PLIN3: variants seen among roughly 807,000 people sequenced by gnomAD.
The protein encoded by PLIN3 is perilipin 3, also known as perilipin-3.
PLIN3 carries 30 observed loss-of-function variants against 35.9 expected under a neutral mutation model. That is an observed-to-expected ratio of 0.84 (90% CI 0.62 to 1.13). PLIN3 has a LOEUF of 1.13. PLIN3 is among the 50% of genes most tolerant of loss of function. The pLI, the probability that PLIN3 is intolerant of heterozygous loss-of-function variation, is 0.00. For missense variants in PLIN3, 603 were observed against 596.9 expected (o/e 1.01, Z -0.11); for synonymous variants, 261 against 262.5 (o/e 0.99, Z 0.06).
intron 1 of PLIN3, among the ~76,000 whole-genome samples, chr19:4,866,418 A>G (rs1010808363): frequency 2.0e-5 from 3 of 152,138 alleles, no homozygotes; most frequent in African/African-American, 4.8e-5. Flanking sequence ...TGAAATGTGT[A>G]TAAGTGTTTC....
chr19:4,856,549 ACT>A (rs1568378931), intron 4 of PLIN3, among the ~76,000 whole-genome samples: 3 of 151,046 alleles, frequency 2.0e-5, no homozygotes, highest in African/African-American at 4.9e-5. Context: ...CAAGAGCAAC[ACT>A]CTGTCTCAAA....
At chr19:4,848,194 G>A (rs1218700855) in intron 5 of PLIN3, among the ~76,000 whole-genome samples, 2 of 152,076 alleles carry the variant, frequency 1.3e-5, no homozygotes, top group Admixed American at 6.6e-5. Flanking sequence ...ATGTTGGCCA[G>A]GCTGGTCTCG....
intron 4 of PLIN3, among the ~76,000 whole-genome samples, chr19:4,857,636 C>T (rs992655910): frequency 2.6e-5 from 4 of 151,932 alleles, no homozygotes; most frequent in Non-Finnish European, 5.9e-5. Context: ...TGTTCTGGGC[C>T]TTCAGGTGTT....
intron 4 of PLIN3, 85 bp from the exon 5 acceptor site, chr19:4,852,386 G>C (rs747855536): frequency 6.7e-7 from 1 of 1,490,978 alleles, no homozygotes; most frequent in Non-Finnish European, 9.0e-7. Flanking sequence ...CAGGGAGACC[G>C]AGGCGGGGAG....
chr19:4,841,520 G>C (rs139352248), intron 7 of PLIN3, among the ~76,000 whole-genome samples: 1 of 151,672 alleles, frequency 6.6e-6, no homozygotes, highest in Non-Finnish European at 1.5e-5. Flanking sequence ...GATAGGGATA[G>C]TTGCACAATG....
At position 4,847,722 on chromosome 19, in the gene PLIN3, G is replaced by A. The variant is rs1251506042; in HGVS notation, c.803C>T (p.Ala268Val). The change falls in exon 6 of 8, where the codon GCT becomes GTT. Residue 268 changes from alanine (A) to valine (V), a missense_variant. Transcript: ENST00000221957. ...TAGGACCTGCGACAGCTGCAGCAGA[G>A]CCTCCTGTGCCCTCTGCTTGGTGGC... ...LRATKQRAQE[A>V]LLQLSQVLSL... 6.2e-7 allele frequency: 1 copy of A among 1,609,130 alleles called. No individual in the cohort carries two copies. Among genetic ancestry groups the A allele is most frequent in the Non-Finnish European group, 8.5e-7 (1 of 1,178,268 alleles).
chr19:4,842,966 A>T (rs1046443893), intron 7 of PLIN3, among the ~76,000 whole-genome samples: 1 of 152,288 alleles, frequency 6.6e-6, no homozygotes, highest in East Asian at 1.9e-4. Flanking sequence ...CACGCCTGTA[A>T]TACCAGCACT....
At position 4,852,224 on chromosome 19, in the gene PLIN3, C is replaced by T. The variant is rs35640392; in HGVS notation, c.426G>A (p.Thr142=). The change falls in exon 5 of 8, where the codon ACG becomes ACA. Residue 142 remains threonine, a synonymous_variant. Coordinates refer to ENST00000221957, the MANE Select transcript of PLIN3 (RefSeq NM_005817.5). ...AQEMVSSAKD[T]VATQLSEAVD... is the part of the protein sequence containing the mutation. Reference sequence around the variant, plus strand: ...CCGCCTCCGACAATTGGGTGGCCACCGTGTCCTTGGCGCTAGACACCATCT... The same window carrying T: ...CCGCCTCCGACAATTGGGTGGCCACTGTGTCCTTGGCGCTAGACACCATCT... The T allele has an allele frequency of 6.3e-5, 101 of 1,611,102 alleles. No individual in the cohort carries two copies. Among genetic ancestry groups the T allele is most frequent in the African/African-American group, 9.3e-5 (7 of 74,920 alleles).
intron 5 of PLIN3, 46 bp downstream of exon 5, chr19:4,851,970 G>T: frequency 6.3e-7 from 1 of 1,578,614 alleles, no homozygotes; most frequent in Non-Finnish European, 8.6e-7. Context: ...CTTCCGGTCA[G>T]GGGGCCTGGG....
At chr19:4,840,663 A>G (rs1287652858) in intron 7 of PLIN3, among the ~76,000 whole-genome samples, 3 of 152,196 alleles carry the variant, frequency 2.0e-5, no homozygotes, top group African/African-American at 7.2e-5. Context: ...AATCAAAACC[A>G]TAAGGAGGCC....
At position 4,839,511 on chromosome 19, in the gene PLIN3, A is replaced by G. The variant is rs2146192672; in HGVS notation, c.986T>C (p.Met329Thr). The G allele has an allele frequency of 6.5e-7, 1 of 1,536,402 alleles. No homozygotes were observed. Among genetic ancestry groups the G allele is most frequent in the East Asian group, 2.3e-5 (1 of 43,948 alleles). ...PEQVESRALT[M>T]FRDIAQQLQA... ...CAGTTGCTGGGCAATGTCCCGGAAC[A>G]TGGTGAGCGCCCGGGACTCGACCTG... Residue 329 changes from methionine to threonine, a missense_variant, in exon 8 of 8, where the codon ATG (methionine) becomes ACG (threonine). By Grantham distance (81) the Met-to-Thr change is moderately conservative. Transcript: ENST00000221957.
intron 6 of PLIN3, among the ~76,000 whole-genome samples, chr19:4,845,823 C>G (rs975589234): frequency 1.2e-4 from 18 of 148,014 alleles, no homozygotes; most frequent in African/African-American, 4.3e-4. Context: ...ACTCGGGAGG[C>G]TGAGGCAAGA....
chr19:4,852,101 C>G lies in PLIN3; in HGVS notation c.549G>C (p.Gln183His). 1 of 1,614,042 alleles carries G rather than the reference C, an allele frequency of 6.2e-7. No homozygotes were observed. The highest frequency in any genetic ancestry group is 8.5e-7 in the Non-Finnish European group (1 of 1,179,964). ...VQSVMGSRLGQMVLSGVDTVL... is the reference protein window; with the variant it reads ...VQSVMGSRLGHMVLSGVDTVL... Reference sequence around the variant, plus strand: ...CCGTGTCGACCCCACTCAACACCATCTGGCCCAAGCGGGAGCCCATGACCG... The same window carrying G: ...CCGTGTCGACCCCACTCAACACCATGTGGCCCAAGCGGGAGCCCATGACCG... Residue 183 changes from glutamine (Q) to histidine (H), a missense_variant, in exon 5 of 8, where the codon CAG becomes CAC. Gln to His is a conservative substitution (Grantham distance 24). Coordinates refer to ENST00000221957, the MANE Select transcript of PLIN3 (RefSeq NM_005817.5).
chr19:4,860,046 G>C, intron 2 of PLIN3, 22 bp from the exon 3 acceptor site: 1 of 1,611,380 alleles, frequency 6.2e-7, no homozygotes, highest in Non-Finnish European at 8.5e-7. Context: ...AAGTGGCTCA[G>C]GCAAACTGGG....
intron 5 of PLIN3, among the ~76,000 whole-genome samples, chr19:4,850,422 A>T (rs1481020412): frequency 6.7e-6 from 1 of 149,868 alleles, no homozygotes; most frequent in Non-Finnish European, 1.5e-5. Context: ...TGTTTATTTT[A>T]TTATTATTAT....
intron 1 of PLIN3, among the ~76,000 whole-genome samples, chr19:4,866,137 C>T (rs1168410796): frequency 6.6e-6 from 1 of 151,824 alleles, no homozygotes; most frequent in Non-Finnish European, 1.5e-5. Context: ...CCTGCCTCAG[C>T]CTCCAGAGTA....
At chr19:4,844,119 G>A (rs2030001509) in intron 7 of PLIN3, among the ~76,000 whole-genome samples, 1 of 152,040 alleles carries the variant, frequency 6.6e-6, no homozygotes, top group Non-Finnish European at 1.5e-5. Context: ...GAGAACACAA[G>A]AGGCCAAGGC....
chr19:4,859,875 C>T lies in PLIN3; in HGVS notation c.216G>A (p.Ala72=), dbSNP rs141196203. 24 of 1,613,404 alleles carry T rather than the reference C, an allele frequency of 1.5e-5. No individual in the cohort carries two copies. In the East Asian group the frequency reaches 2.5e-4, roughly 16 times the overall value. ...AAEKGVRTLT[A]AAVSGAQPIL... Reference sequence around the variant, plus strand: ...TCGGCTGAGCCCCGCTGACAGCAGCCGCCGTGAGGGTCCTCACTCCCTTCT... The same window carrying T: ...TCGGCTGAGCCCCGCTGACAGCAGCTGCCGTGAGGGTCCTCACTCCCTTCT... The change falls in exon 3 of 8, where the codon GCG becomes GCA. Residue 72 remains alanine (A), a synonymous_variant. Coordinates refer to ENST00000221957, the MANE Select transcript of PLIN3 (RefSeq NM_005817.5).
At chr19:4,846,404 A>G (rs1716158808) in intron 6 of PLIN3, among the ~76,000 whole-genome samples, 2 of 151,620 alleles carry the variant, frequency 1.3e-5, no homozygotes, top group African/African-American at 4.8e-5. Flanking sequence ...GTCTCCTTCA[A>G]TAAGGAGATT....
Sources: allele counts gnomAD v4.1 joint callset (sites outside exome capture counted in the v4.1 genomes callset), GRCh38; gene constraint gnomAD v4.1.1; transcripts MANE v1.5; gene names NCBI Gene and HGNC (gene_info 2026-07-23, HGNC 2026-07-21).